The following SOX5 variants were observed in gnomAD, a reference collection of about 807,000 sequenced individuals.
The protein encoded by SOX5 is SRY-box transcription factor 5.
A neutral mutation model predicts 92.0 loss-of-function variants in SOX5; 9 were observed. That is an observed-to-expected ratio of 0.10 (90% CI 0.06 to 0.17). SOX5 has a LOEUF of 0.17. SOX5 is among the 10% of genes least tolerant of loss of function. The probability of loss-of-function intolerance (pLI) is 1.00; values close to 1 mark genes in which losing one functional copy is unlikely to be tolerated. For synonymous variants in SOX5, 344 were observed against 336.3 expected (o/e 1.02, Z -0.25); for missense variants, 642 against 944.5 (o/e 0.68, Z 4.20).
intron 1 of SOX5, among the ~76,000 whole-genome samples, chr12:24,377,455 AAAAC>A (rs1346841613): frequency 6.6e-6 from 1 of 152,244 alleles, no homozygotes; most frequent in Non-Finnish European, 1.5e-5. Context: ...TTCTGAAACT[AAAAC>A]TAACTAAGAA....
rs1483217241 is a variant in SOX5, at chr12:23,657,237, A to C, written c.931+8207T>G. On this transcript the variant is annotated intron_variant, in intron 7 of 14. Coordinates refer to ENST00000451604, the MANE Select transcript of SOX5 (RefSeq NM_006940.6). The stretch of plus-strand genomic sequence containing the variant: ...GAGAGCAAGCCTGAGACTGGATGTC[A>C]TGGAGTTACCATATAAGCGATGCTT... Among the ~76,000 whole-genome samples, 4 of 152,142 alleles carry C rather than the reference A, an allele frequency of 2.6e-5. No homozygotes were observed. In the East Asian group the frequency reaches 7.7e-4, roughly 29 times the overall value.
At chr12:24,114,135 C>A (rs1593282264) in intron 4 of SOX5, among the ~76,000 whole-genome samples, 1 of 151,952 alleles carries the variant, frequency 6.6e-6, no homozygotes, top group Middle Eastern at 3.4e-3. Flanking sequence ...TCAGAGTCTG[C>A]AAGTTTATAT....
chr12:24,363,039 A>C lies in SOX5; in HGVS notation c.-174+5524T>G, dbSNP rs1463184158. Among the ~76,000 whole-genome samples the C allele has an allele frequency of 2.0e-5, 3 of 152,042 alleles. No individual in the cohort carries two copies. The East Asian group carries it at 5.8e-4, about 29-fold the overall frequency. On this transcript the variant is annotated intron_variant, in intron 2 of 4. Transcript: ENST00000446891. ...TATTATTCCTATTACACACTATATAAAAATATATGAAATATTTATTGATAT... is the reference window on the plus strand; with the variant it reads ...TATTATTCCTATTACACACTATATACAAATATATGAAATATTTATTGATAT...
chr12:24,476,408 C>G (rs985093142), intron 1 of SOX5, among the ~76,000 whole-genome samples: 1 of 152,186 alleles, frequency 6.6e-6, no homozygotes, highest in African/African-American at 2.4e-5. Context: ...AGTACTGCTG[C>G]TCCAGAGAAC....
chr12:23,780,456 A>G (rs1457408826), intron 3 of SOX5, among the ~76,000 whole-genome samples: 2 of 151,440 alleles, frequency 1.3e-5, no homozygotes, highest in African/African-American at 4.8e-5. Context: ...TTTAGCTGAT[A>G]TGCATGAAGC....
intron 1 of SOX5, among the ~76,000 whole-genome samples, chr12:23,909,398 G>A (rs1213650490): frequency 1.3e-5 from 2 of 152,198 alleles, no homozygotes; most frequent in Middle Eastern, 3.4e-3. Context: ...TTAGAATATA[G>A]CCATAAGAAA....
At chr12:23,803,522 T>C (rs949045588) in intron 3 of SOX5, among the ~76,000 whole-genome samples, 38 of 152,346 alleles carry the variant, frequency 2.5e-4, no homozygotes, top group Middle Eastern at 3.4e-3. Flanking sequence ...CCTATTCTGA[T>C]AGCCTACTAA....
intron 2 of SOX5, among the ~76,000 whole-genome samples, chr12:24,302,089 A>T (rs1266638729): frequency 1.3e-5 from 2 of 152,182 alleles, no homozygotes; most frequent in Non-Finnish European, 2.9e-5. Flanking sequence ...ATAAAATAAA[A>T]TGTAAAATAC....
chr12:24,218,621 T>C (rs1959631179), intron 3 of SOX5, among the ~76,000 whole-genome samples: 1 of 152,172 alleles, frequency 6.6e-6, no homozygotes, highest in African/African-American at 2.4e-5. Flanking sequence ...AATGAATGAA[T>C]TGTATGGTAC....
At chr12:24,201,973 C>A (rs867724042) in intron 4 of SOX5, among the ~76,000 whole-genome samples, 1 of 152,180 alleles carries the variant, frequency 6.6e-6, no homozygotes, top group Non-Finnish European at 1.5e-5. Flanking sequence ...TGGCATTAAA[C>A]CTTGATCTTC....
chr12:24,310,461 A>AT (rs914513998), intron 2 of SOX5, among the ~76,000 whole-genome samples: 55 of 152,256 alleles, frequency 3.6e-4, no homozygotes, highest in Admixed American at 1.8e-3. Context: ...TTGAAAGAAC[A>AT]TTTTTTTAAC....
chr12:24,479,885 C>T (rs1444512511), intron 1 of SOX5, among the ~76,000 whole-genome samples: 2 of 152,102 alleles, frequency 1.3e-5, no homozygotes, highest in East Asian at 1.9e-4. Flanking sequence ...AGGCTGGTCT[C>T]GAACTCCTGA....
At chr12:23,877,990 T>A (rs2096947062) in intron 2 of SOX5, among the ~76,000 whole-genome samples, 2 of 152,076 alleles carry the variant, frequency 1.3e-5, no homozygotes, top group Non-Finnish European at 2.9e-5. Context: ...TGTTTTATTA[T>A]ATTTTTTCTG....
chr12:24,325,909 CGTGTGT>C (rs755940217), intron 2 of SOX5, among the ~76,000 whole-genome samples: 91 of 152,102 alleles, frequency 6.0e-4, no homozygotes, highest in Non-Finnish European at 1.1e-3. Context: ...CACGCGCGCG[CGTGTGT>C]GTGTATGTTA....
chr12:24,544,735 T>C (rs1952454166), intron 1 of SOX5, among the ~76,000 whole-genome samples: 1 of 152,218 alleles, frequency 6.6e-6, no homozygotes, highest in African/African-American at 2.4e-5. Flanking sequence ...TTGGAGCTCA[T>C]ACTACCTCAT....
At chr12:24,304,214 A>G (rs1246123656) in intron 2 of SOX5, among the ~76,000 whole-genome samples, 2 of 152,208 alleles carry the variant, frequency 1.3e-5, no homozygotes, top group African/African-American at 2.4e-5. Context: ...TCAAAGAGAT[A>G]GCATGAACCA....
chr12:24,553,403 C>T (rs543076819), intron 1 of SOX5, among the ~76,000 whole-genome samples: 15 of 152,286 alleles, frequency 9.8e-5, no homozygotes, highest in Non-Finnish European at 1.8e-4. Flanking sequence ...TCCTGGAACA[C>T]AGTAAACACT....
chr12:24,465,803 A>G (rs2137551334), intron 1 of SOX5, among the ~76,000 whole-genome samples: 1 of 152,286 alleles, frequency 6.6e-6, no homozygotes, highest in Non-Finnish European at 1.5e-5. Flanking sequence ...TTGACGGCAA[A>G]TCATTCATGG....
intron 4 of SOX5, among the ~76,000 whole-genome samples, chr12:24,021,452 C>A (rs960859692): frequency 1.3e-5 from 2 of 152,148 alleles, no homozygotes; most frequent in African/African-American, 4.8e-5. Flanking sequence ...CTTACATACA[C>A]CACAGCATTA....
Sources: allele counts gnomAD v4.1 joint callset (sites outside exome capture counted in the v4.1 genomes callset), GRCh38; gene constraint gnomAD v4.1.1; transcripts MANE v1.5; gene names NCBI Gene and HGNC (gene_info 2026-07-23, HGNC 2026-07-21).